The following LRRTM4 variants were observed in gnomAD, a reference collection of about 807,000 sequenced individuals.
LRRTM4 encodes the protein leucine rich repeat transmembrane neuronal 4, also known as leucine-rich repeat transmembrane neuronal protein 4.
LRRTM4 carries 25 observed loss-of-function variants against 47.6 expected under a neutral mutation model. That is an observed-to-expected ratio of 0.53 (90% CI 0.38 to 0.73). The LOEUF (loss-of-function observed/expected upper bound fraction) is 0.73, where lower values mean the gene tolerates loss of function less well. Ranked by LOEUF, LRRTM4 falls within the 30% of genes least tolerant of loss-of-function variation. The pLI is 0.00. For synonymous variants in LRRTM4, 311 were observed against 269.5 expected (o/e 1.15, Z -1.51); for missense variants, 638 against 713.4 (o/e 0.89, Z 1.20).
chr2:77,440,978 G>A (rs1675816686), intron 3 of LRRTM4, among the ~76,000 whole-genome samples: 1 of 152,196 alleles, frequency 6.6e-6, no homozygotes, highest in Non-Finnish European at 1.5e-5. Flanking sequence ...ACATGTTGTA[G>A]CTATTTACAT....
intron 3 of LRRTM4, among the ~76,000 whole-genome samples, chr2:77,165,562 A>G (rs2103820116): frequency 6.6e-6 from 1 of 152,342 alleles, no homozygotes; most frequent in Middle Eastern, 3.4e-3. Flanking sequence ...AATCCTCAGT[A>G]AAATACTGGC....
At chr2:77,380,752 C>T (rs1237543622) in intron 3 of LRRTM4, among the ~76,000 whole-genome samples, 1 of 151,300 alleles carries the variant, frequency 6.6e-6, no homozygotes, top group Non-Finnish European at 1.5e-5. Flanking sequence ...GCCAAGATCA[C>T]ACCACCGCAC....
chr2:77,081,759 C>A (rs1425837103), intron 3 of LRRTM4, among the ~76,000 whole-genome samples: 1 of 152,106 alleles, frequency 6.6e-6, no homozygotes, highest in Non-Finnish European at 1.5e-5. Flanking sequence ...GATAATGCTG[C>A]ACACTGAAAA....
chr2:77,247,239 A>T (rs1233653317), intron 3 of LRRTM4, among the ~76,000 whole-genome samples: 1 of 152,110 alleles, frequency 6.6e-6, no homozygotes, highest in Non-Finnish European at 1.5e-5. Flanking sequence ...ATTTAATAAG[A>T]TATGAATAAC....
chr2:77,017,931 T>A (rs961220624), intron 3 of LRRTM4, among the ~76,000 whole-genome samples: 8 of 151,928 alleles, frequency 5.3e-5, no homozygotes, highest in African/African-American at 1.9e-4. Flanking sequence ...TCAAACGAGA[T>A]AAGATGTGAA....
At chr2:76,763,246 A>C (rs2104088653) in intron 3 of LRRTM4, among the ~76,000 whole-genome samples, 1 of 152,298 alleles carries the variant, frequency 6.6e-6, no homozygotes, top group East Asian at 1.9e-4. Flanking sequence ...TGTGGACTGA[A>C]TATTTGTGTT....
chr2:76,856,232 G>A lies in LRRTM4; in HGVS notation c.1552-107316C>T, dbSNP rs1672146032. On this transcript the variant is annotated intron_variant, in intron 3 of 3. Coordinates refer to ENST00000409884, the MANE Select transcript of LRRTM4 (RefSeq NM_001134745.3). Reference sequence around the variant, plus strand: ...GCAGAGGTTGCAGTGAGCCAAGATTGCGCCTTTGCACTCCAGCCTAGGTGA... The same window carrying A: ...GCAGAGGTTGCAGTGAGCCAAGATTACGCCTTTGCACTCCAGCCTAGGTGA... Among the ~76,000 whole-genome samples, 3 of 152,074 alleles carry A rather than the reference G, an allele frequency of 2.0e-5. No homozygotes were observed. In the South Asian group the frequency reaches 6.2e-4, roughly 32 times the overall value.
At chr2:77,103,664 G>A (rs2860942) in intron 3 of LRRTM4, among the ~76,000 whole-genome samples, 2 of 143,736 alleles carry the variant, frequency 1.4e-5, no homozygotes, top group South Asian at 4.3e-4. Flanking sequence ...TATATATATA[G>A]ATATATATAT....
In LRRTM4 at chr2:77,428,495, T is replaced by C. The variant is rs1573400799; in HGVS notation, c.1551+89823A>G. Among the ~76,000 whole-genome samples, 7 of 152,306 alleles carry C rather than the reference T, an allele frequency of 4.6e-5. 1 individual carries two copies. In the South Asian group the frequency reaches 1.5e-3, roughly 32 times the overall value. On this transcript the variant is annotated intron_variant, in intron 3 of 3. Transcript: ENST00000409884. Reference sequence around the variant, plus strand: ...TCAGGAGACTGGCCCTGTTCCATAATTTTATATTTGAGAATCACTCATTTA... The same window carrying C: ...TCAGGAGACTGGCCCTGTTCCATAACTTTATATTTGAGAATCACTCATTTA...
In LRRTM4 at chr2:76,941,612, G is replaced by C. The variant is rs1655764575; in HGVS notation, c.1552-192696C>G. The stretch of plus-strand genomic sequence containing the variant: ...AGTTTGTTAAAAATAATGGTTTCCA[G>C]GTCATAAATGTCTCTGCAAAAGACA... On this transcript the variant is annotated intron_variant, in intron 3 of 3. Transcript: ENST00000409884. 2.0e-5 allele frequency among the ~76,000 whole-genome samples: 3 copies of C among 152,050 alleles called. No homozygotes were observed. The South Asian group carries it at 6.2e-4, about 32-fold the overall frequency.
At chr2:77,412,946 T>G (rs1180063776) in intron 3 of LRRTM4, among the ~76,000 whole-genome samples, 1 of 152,206 alleles carries the variant, frequency 6.6e-6, no homozygotes, top group East Asian at 1.9e-4. Context: ...TAATACTCTC[T>G]TATCATTGTT....
chr2:76,875,877 C>A (rs1024955325), intron 3 of LRRTM4, among the ~76,000 whole-genome samples: 1 of 152,166 alleles, frequency 6.6e-6, no homozygotes, highest in African/African-American at 2.4e-5. Context: ...CAGGCAGACT[C>A]AACTTCAGCT....
At chr2:76,993,777 T>C (rs115314272) in intron 3 of LRRTM4, among the ~76,000 whole-genome samples, 2,275 of 151,956 alleles carry the variant, frequency 0.015, 57 homozygotes, top group African/African-American at 0.053. Context: ...GGGAAATAAA[T>C]TGTTCTACCA....
chr2:77,360,337 G>T (rs1672142320), intron 3 of LRRTM4, among the ~76,000 whole-genome samples: 1 of 152,002 alleles, frequency 6.6e-6, no homozygotes, highest in Admixed American at 6.6e-5. Context: ...GGTGCCTGTT[G>T]TCTCAGCTAC....
chr2:76,844,676 T>G (rs921009583), intron 3 of LRRTM4, among the ~76,000 whole-genome samples: 4 of 152,186 alleles, frequency 2.6e-5, no homozygotes, highest in Non-Finnish European at 4.4e-5. Flanking sequence ...TAAAAGCATG[T>G]GACCATACTT....
chr2:77,206,201 C>G (rs934763294), intron 3 of LRRTM4, among the ~76,000 whole-genome samples: 22 of 137,648 alleles, frequency 1.6e-4, no homozygotes, highest in African/African-American at 6.1e-4. Context: ...TTTTTTGAAA[C>G]AGGGTCTCAC....
chr2:77,189,014 A>ATG (rs1297862912), intron 3 of LRRTM4, among the ~76,000 whole-genome samples: 2 of 152,204 alleles, frequency 1.3e-5, no homozygotes, highest in Non-Finnish European at 2.9e-5. Context: ...AGCCAATTTT[A>ATG]AACAGCTAAT....
intron 3 of LRRTM4, among the ~76,000 whole-genome samples, chr2:77,190,638 T>C (rs1190421635): frequency 6.6e-6 from 1 of 152,120 alleles, no homozygotes; most frequent in African/African-American, 2.4e-5. Context: ...TATTAGCACA[T>C]TGAACTATTC....
At chr2:77,247,488 T>C (rs1675479936) in intron 3 of LRRTM4, among the ~76,000 whole-genome samples, 2 of 152,132 alleles carry the variant, frequency 1.3e-5, no homozygotes, top group Non-Finnish European at 2.9e-5. Context: ...GCTTTAGAAA[T>C]AATAGGCCTA....
Sources: gnomAD v4.1 joint callset for allele counts (sites outside exome capture counted in the v4.1 genomes callset) on GRCh38, gnomAD v4.1.1 for gene constraint, MANE v1.5 for transcripts, NCBI Gene and HGNC (gene_info 2026-07-23, HGNC 2026-07-21) for gene names.